NR4A3: variants seen among roughly 807,000 people sequenced by gnomAD.
The protein encoded by NR4A3 is nuclear receptor subfamily 4 group A member 3.
A neutral mutation model predicts 55.6 loss-of-function variants in NR4A3; 13 were observed. The observed-to-expected ratio is 0.23, with a 90% CI of 0.15 to 0.37. NR4A3 has a LOEUF of 0.37. Among genes scored for constraint, NR4A3 ranks in the 10% least tolerant of loss-of-function variants. The pLI, the probability that NR4A3 is intolerant of heterozygous loss-of-function variation, is 1.00. For missense variants in NR4A3, 646 were observed against 822.8 expected (o/e 0.79, Z 2.63); for synonymous variants, 342 against 357.9 (o/e 0.96, Z 0.50).
chr9:99,863,160 C>T (rs1249131667), intron 7 of NR4A3, among the ~76,000 whole-genome samples: 1 of 152,102 alleles, frequency 6.6e-6, no homozygotes, highest in East Asian at 1.9e-4. Context: ...AATTCATTTG[C>T]CTGGATGTGT....
At chr9:99,836,927 G>C (rs552764808) in intron 5 of NR4A3, among the ~76,000 whole-genome samples, 1 of 152,224 alleles carries the variant, frequency 6.6e-6, no homozygotes, top group Non-Finnish European at 1.5e-5. Context: ...ATATGTCCTT[G>C]TGGTTTGGAT....
Position 99,828,650 on chromosome 9 carries a change from C to T in NR4A3, c.608C>T (p.Pro203Leu). ...FKPSPPHPPA[P>L]SPAGGHHLGY... ...CCCTCGCCGCCGCATCCCCCCGCGCCCAGCCCGGCCGGCGGCCACCACCTC... is the reference window on the plus strand; with the variant it reads ...CCCTCGCCGCCGCATCCCCCCGCGCTCAGCCCGGCCGGCGGCCACCACCTC... Residue 203 changes from proline (P) to leucine (L), a missense_variant, in exon 3 of 8, where the codon CCC (proline) becomes CTC (leucine). This residue lies in a region of NR4A3 where 426 missense variants were observed against 429.4 expected (regional missense o/e 0.99). Transcript: ENST00000395097. This position sits in a 1 kb window ranked among gnomAD's most constrained non-coding sequence, Gnocchi z 7.7. 1 of 1,432,406 alleles carries T rather than the reference C, an allele frequency of 7.0e-7. No homozygotes were observed. Among genetic ancestry groups the T allele is most frequent in the South Asian group, 1.4e-5 (1 of 70,504 alleles). The allele number at this position is 1,432,406 out of a possible 1,614,324, so 88.7% of individuals were successfully genotyped here.
intron 5 of NR4A3, among the ~76,000 whole-genome samples, chr9:99,837,262 T>A (rs141271201): frequency 7.1e-4 from 108 of 152,330 alleles, no homozygotes; most frequent in Non-Finnish European, 1.3e-3. Flanking sequence ...TCCTTAATAA[T>A]GTCATTCACT....
At chr9:99,827,416 A>AG (rs1554690835) in intron 2 of NR4A3, among the ~76,000 whole-genome samples, 1 of 152,128 alleles carries the variant, frequency 6.6e-6, no homozygotes, top group African/African-American at 2.4e-5. Flanking sequence ...AGTTATCAAC[A>AG]GGGGTCCAGT....
chr9:99,842,747 C>A (rs1827677494), intron 5 of NR4A3, among the ~76,000 whole-genome samples: 1 of 152,016 alleles, frequency 6.6e-6, no homozygotes, highest in Non-Finnish European at 1.5e-5. Flanking sequence ...AAAAAGATCC[C>A]ACCAGCTAGT....
chr9:99,824,837 G>A (rs1827262628), intron 1 of NR4A3, among the ~76,000 whole-genome samples: 1 of 152,234 alleles, frequency 6.6e-6, no homozygotes, highest in African/African-American at 2.4e-5. Flanking sequence ...CTGAGACGCT[G>A]GTCCCGGAGC....
At chr9:99,857,065 A>G (rs1438505565) in intron 7 of NR4A3, among the ~76,000 whole-genome samples, 3 of 152,258 alleles carry the variant, frequency 2.0e-5, no homozygotes, top group African/African-American at 7.2e-5. Flanking sequence ...AGATCAGTCA[A>G]GAGCTATTAA....
rs1299131710 is a variant in NR4A3 at position 99,822,787 on chromosome 9, T to G, written c.-177+380T>G. 6.6e-6 allele frequency among the ~76,000 whole-genome samples: 1 copy of G among 152,134 alleles called. No individual in the cohort carries two copies. Among genetic ancestry groups the G allele is most frequent in the Non-Finnish European group, 1.5e-5 (1 of 68,032 alleles). Reference sequence around the variant, plus strand: ...GGCGGCAGCGGCAGCGGCAGGGAGTTGCAGCTCCGGTGATGAACGGCAGTA... The same window carrying G: ...GGCGGCAGCGGCAGCGGCAGGGAGTGGCAGCTCCGGTGATGAACGGCAGTA... On this transcript the variant is annotated intron_variant, in intron 1 of 7. Transcript: ENST00000395097. This position sits in a 1 kb window ranked among gnomAD's most constrained non-coding sequence, Gnocchi z 4.9.
rs1268964786 is a variant in NR4A3 at position 99,866,090 on chromosome 9, TG to T, written c.*2224del. On this transcript the variant is annotated 3_prime_UTR_variant, in exon 8 of 8. Transcript: ENST00000395097. Reference sequence around the variant, plus strand: ...TTAAACATAACCACTAATATTTACCTGAAGATAACCATGAGTAAAGTATACT... The same window carrying T: ...TTAAACATAACCACTAATATTTACCTAAGATAACCATGAGTAAAGTATACT... 9.4e-6 allele frequency: 2 copies of T among 213,318 alleles called. No homozygotes were observed. Among genetic ancestry groups the T allele is most frequent in the African/African-American group, 4.5e-5 (2 of 44,256 alleles). 13.2% of individuals were successfully genotyped at this position (213,318 alleles called of 1,614,324 possible). A position where few individuals can be genotyped will look rare whatever the true frequency, so the allele number is the denominator to read the frequency against.
At chr9:99,832,543 C>A in intron 3 of NR4A3, 146 bp from the exon 4 acceptor site, 1 of 603,008 alleles carries the variant, frequency 1.7e-6, no homozygotes, top group Non-Finnish European at 2.5e-6. Context: ...ATTGTTTTTC[C>A]TGCAGGCTAG....
At chr9:99,856,309 G>A (rs935085664) in intron 7 of NR4A3, among the ~76,000 whole-genome samples, 5 of 151,322 alleles carry the variant, frequency 3.3e-5, no homozygotes, top group African/African-American at 9.7e-5. Flanking sequence ...CATAAGGAAC[G>A]TGCAACCTAG....
intron 4 of NR4A3, among the ~76,000 whole-genome samples, 181 bp from the exon 5 acceptor site, chr9:99,833,101 T>A (rs1827478787): frequency 6.6e-6 from 1 of 152,244 alleles, no homozygotes. Flanking sequence ...GCTTTTATGC[T>A]GCTTGTTTCA....
chr9:99,855,356 G>A (rs1827911616), intron 7 of NR4A3, among the ~76,000 whole-genome samples: 1 of 152,180 alleles, frequency 6.6e-6, no homozygotes, highest in African/African-American at 2.4e-5. Context: ...GTGAGTATCA[G>A]AAAGTCTCCC....
intron 5 of NR4A3, among the ~76,000 whole-genome samples, chr9:99,834,228 A>G (rs1054914771): frequency 3.3e-5 from 5 of 152,202 alleles, no homozygotes; most frequent in African/African-American, 1.2e-4. Context: ...AAATTCCTCA[A>G]AATTTGGATA....
intron 7 of NR4A3, among the ~76,000 whole-genome samples, chr9:99,861,875 G>A (rs1828013951): frequency 6.6e-6 from 1 of 151,620 alleles, no homozygotes; most frequent in East Asian, 1.9e-4. Flanking sequence ...AGGATCACTT[G>A]AGCCCAAGAG....
intron 6 of NR4A3, 127 bp downstream of exon 6, chr9:99,844,975 A>G: frequency 1.3e-6 from 1 of 777,174 alleles, no homozygotes; most frequent in East Asian, 2.7e-5. Flanking sequence ...CAGGCACTAA[A>G]AAGACTGAGC....
rs1828071471 is a variant in NR4A3, at chr9:99,865,013, G to T, written c.*1146G>T. ...TAGTATGAATGTGAATACTAGAAAAGATTTAAAAAATAGTATGAGTGTGAG... is the reference window on the plus strand; with the variant it reads ...TAGTATGAATGTGAATACTAGAAAATATTTAAAAAATAGTATGAGTGTGAG... On this transcript the variant is annotated 3_prime_UTR_variant, in exon 8 of 8. Transcript: ENST00000395097. The surrounding 1 kb of genome is among the most constrained non-coding windows in gnomAD (Gnocchi z 4.3). The T allele has an allele frequency of 5.0e-6, 1 of 201,870 alleles. No homozygotes were observed. Among genetic ancestry groups the T allele is most frequent in the Non-Finnish European group, 1.0e-5 (1 of 97,864 alleles). The allele number at this position is 201,870 out of a possible 1,614,324, so 12.5% of individuals were successfully genotyped here.
In NR4A3 at chr9:99,866,693, T is replaced by C; in HGVS notation, c.*2826T>C. On this transcript the variant is annotated 3_prime_UTR_variant, in exon 8 of 8. Transcript: ENST00000395097. ...GAGCTCTCTCAGTGTGAACATGCCT[T>C]CTGTGGGCGGAAATCAGGAAGCCAC... is the stretch of plus-strand genomic sequence containing the variant. 4.5e-6 allele frequency: 1 copy of C among 224,134 alleles called. No individual in the cohort carries two copies. The highest frequency in any genetic ancestry group is 8.9e-6 in the Non-Finnish European group (1 of 111,994). The allele number at this position is 224,134 out of a possible 1,614,324, so 13.9% of individuals were successfully genotyped here. A position where few individuals can be genotyped will look rare whatever the true frequency, so the allele number is the denominator to read the frequency against.
chr9:99,850,909 T>G (rs1282584489), intron 7 of NR4A3, among the ~76,000 whole-genome samples: 3 of 152,174 alleles, frequency 2.0e-5, no homozygotes, highest in Non-Finnish European at 2.9e-5. Flanking sequence ...CTTGGAAGCA[T>G]CAAACTCAGT....
Sources: allele counts gnomAD v4.1 joint callset (sites outside exome capture counted in the v4.1 genomes callset), GRCh38; gene constraint gnomAD v4.1.1; regional missense constraint gnomAD v4.1.1; non-coding constraint Gnocchi (gnomAD v3.1); transcripts MANE v1.5; gene names NCBI Gene and HGNC (gene_info 2026-07-23, HGNC 2026-07-21).